The following COBLL1 variants were observed in gnomAD, a reference collection of about 807,000 sequenced individuals.
The protein encoded by COBLL1 is cordon-bleu WH2 repeat protein like 1.
A neutral mutation model predicts 94.8 loss-of-function variants in COBLL1; 50 were observed. The observed-to-expected ratio is 0.53, with a 90% confidence interval of 0.42 to 0.67. COBLL1 has a LOEUF of 0.67. Ranked by LOEUF, COBLL1 falls within the 30% of genes least tolerant of loss-of-function variation. COBLL1 has a pLI of 0.00. For synonymous variants in COBLL1, 448 were observed against 473.8 expected, an observed-to-expected ratio of 0.95 and a Z score of 0.71; for missense variants, 1,362 against 1,348.7, an observed-to-expected ratio of 1.01 and a Z score of -0.15.
intron 2 of COBLL1, among the ~76,000 whole-genome samples, chr2:164,828,343 A>T (rs374915913): frequency 1.4e-3 from 215 of 152,332 alleles, no homozygotes; most frequent in African/African-American, 5.1e-3. Flanking sequence ...GTTTCACAAC[A>T]AATTGTAAAC....
intron 7 of COBLL1, among the ~76,000 whole-genome samples, chr2:164,718,612 T>C (rs893040658): frequency 1.3e-5 from 2 of 152,194 alleles, no homozygotes; most frequent in African/African-American, 2.4e-5. Context: ...AGGAGAATTT[T>C]TACTGTATTC....
upstream of COBLL1, chr2:164,841,861 G>T (rs1284508984): frequency 4.9e-5 from 43 of 878,850 alleles, no homozygotes; most frequent in East Asian, 2.8e-5. This position sits in a 1 kb window ranked among gnomAD's most constrained non-coding sequence, Gnocchi z 5.5. Flanking sequence ...AGCCCAGCGC[G>T]GGCAGGGCCG....
At chr2:164,770,991 C>T (rs1183710805) in intron 2 of COBLL1, among the ~76,000 whole-genome samples, 4 of 151,984 alleles carry the variant, frequency 2.6e-5, no homozygotes, top group South Asian at 2.1e-4. Context: ...GTACTGATCT[C>T]GCATAAAGAT....
At chr2:164,708,889 T>G (rs776404152) in intron 7 of COBLL1, among the ~76,000 whole-genome samples, 3 of 152,250 alleles carry the variant, frequency 2.0e-5, no homozygotes, top group Non-Finnish European at 4.4e-5. Context: ...TTAGGTCACA[T>G]TCCTAATCTT....
At position 164,695,292 on chromosome 2, in the gene COBLL1, G is replaced by A. The variant is rs1333939272; in HGVS notation, c.2100C>T (p.Tyr700=). Residue 700 remains tyrosine, a synonymous_variant, in exon 12 of 14, where the codon TAC becomes TAT. Coordinates refer to ENST00000652658, the MANE Select transcript of COBLL1 (RefSeq NM_001365672.2). Reference sequence around the variant, plus strand: ...GTCTATAAAGTGGGTAATTCTTTAGGTAAGAAGCAGTGGAATTTTTGTCAA... The same window carrying A: ...GTCTATAAAGTGGGTAATTCTTTAGATAAGAAGCAGTGGAATTTTTGTCAA... ...DRIDKNSTAS[Y]LKNYPLYRQD... is the part of the protein sequence containing the mutation. 6.2e-7 allele frequency: 1 copy of A among 1,613,630 alleles called. No homozygotes were observed. The highest frequency in any genetic ancestry group is 2.2e-5 in the East Asian group (1 of 44,862).
chr2:164,731,613 T>A (rs1686015991), intron 3 of COBLL1, among the ~76,000 whole-genome samples: 1 of 152,170 alleles, frequency 6.6e-6, no homozygotes, highest in African/African-American at 2.4e-5. Flanking sequence ...AGTGTGTACA[T>A]CGTATTTTTA....
chr2:164,693,373 G>C (rs1683720855), intron 12 of COBLL1, among the ~76,000 whole-genome samples: 1 of 152,068 alleles, frequency 6.6e-6, no homozygotes, highest in African/African-American at 2.4e-5. Flanking sequence ...TGGCAATATG[G>C]TTAACATTCT....
intron 1 of COBLL1, among the ~76,000 whole-genome samples, chr2:164,670,082 C>CAGA (rs750279326): frequency 1.7e-3 from 253 of 152,274 alleles, no homozygotes; most frequent in South Asian, 3.7e-3. Flanking sequence ...TGATTGAAAG[C>CAGA]TTATTCTGTA....
chr2:164,692,122 C>T (rs936002235), intron 13 of COBLL1, 99 bp downstream of exon 13: 8 of 1,031,136 alleles, frequency 7.8e-6, no homozygotes, highest in African/African-American at 3.3e-5. Flanking sequence ...CTTTGGGAAC[C>T]CTATTTAGAT....
downstream of COBLL1, among the ~76,000 whole-genome samples, chr2:164,678,807 A>C (rs557069299): frequency 1.9e-4 from 29 of 152,316 alleles, 1 homozygote; most frequent in South Asian, 6.0e-3. Context: ...TGTTTTATGA[A>C]CCATCACTAG....
At chr2:164,820,015 G>A (rs1296100146) in intron 2 of COBLL1, among the ~76,000 whole-genome samples, 3 of 143,048 alleles carry the variant, frequency 2.1e-5, no homozygotes, top group African/African-American at 5.2e-5. Context: ...TTAATTTTTA[G>A]TAGAGATGGG....
intron 2 of COBLL1, among the ~76,000 whole-genome samples, chr2:164,753,735 G>A (rs1192776411): frequency 9.1e-5 from 13 of 142,342 alleles, no homozygotes; most frequent in Non-Finnish European, 1.8e-4. Flanking sequence ...AGTTGAGTAT[G>A]GGAATTTTTT....
intron 2 of COBLL1, among the ~76,000 whole-genome samples, chr2:164,774,973 T>C (rs949962750): frequency 4.6e-5 from 7 of 152,050 alleles, no homozygotes; most frequent in Admixed American, 4.6e-4. Flanking sequence ...ATGTTGTATA[T>C]CTTAAATATA....
At chr2:164,770,522 C>A (rs909505966) in intron 2 of COBLL1, among the ~76,000 whole-genome samples, 5 of 152,042 alleles carry the variant, frequency 3.3e-5, no homozygotes, top group Admixed American at 1.3e-4. Flanking sequence ...GAAAAGTAAA[C>A]AATGTTTTCA....
intron 2 of COBLL1, among the ~76,000 whole-genome samples, chr2:164,784,639 T>G (rs1688864829): frequency 1.3e-5 from 2 of 152,070 alleles, no homozygotes. Flanking sequence ...GTTTGCATAA[T>G]CTGCTTCCCT....
intron 2 of COBLL1, among the ~76,000 whole-genome samples, chr2:164,823,643 A>G (rs1368358718): frequency 6.6e-6 from 1 of 152,160 alleles, no homozygotes; most frequent in East Asian, 1.9e-4. Context: ...TTACCAACTC[A>G]TTCTCATAGA....
At chr2:164,721,706 A>G (rs1685452959) in intron 7 of COBLL1, 2 of 154,878 alleles carry the variant, frequency 1.3e-5, no homozygotes, top group Admixed American at 1.3e-4. Flanking sequence ...CTGTATAAAA[A>G]AGAACTATTC....
chr2:164,812,034 C>T (rs1391453606), intron 2 of COBLL1, among the ~76,000 whole-genome samples: 1 of 151,774 alleles, frequency 6.6e-6, no homozygotes, highest in South Asian at 2.1e-4. Context: ...TTTGTAGTAA[C>T]CATGACAACC....
In COBLL1 at chr2:164,800,511, T is replaced by C. The variant is rs181400827; in HGVS notation, c.41+40645A>G. The C allele has an allele frequency of 2.0e-5, 14 of 701,080 alleles. No individual in the cohort carries two copies. The East Asian group carries it at 2.7e-4, about 13-fold the overall frequency. 43.4% of individuals were successfully genotyped at this position (701,080 alleles called of 1,614,324 possible). A position where few individuals can be genotyped will look rare whatever the true frequency, so the allele number is the denominator to read the frequency against. ...ACTACTCTAGACAATGGTCTAGAAGTTTCTTATTAAATATACACTTACCAT... is the reference window on the plus strand; with the variant it reads ...ACTACTCTAGACAATGGTCTAGAAGCTTCTTATTAAATATACACTTACCAT... On this transcript the variant is annotated intron_variant, in intron 2 of 13. Coordinates refer to ENST00000652658, the MANE Select transcript of COBLL1 (RefSeq NM_001365672.2).
Sources: gnomAD v4.1 joint callset for allele counts (sites outside exome capture counted in the v4.1 genomes callset) on GRCh38, gnomAD v4.1.1 for gene constraint, Gnocchi (gnomAD v3.1) non-coding constraint, MANE v1.5 for transcripts, NCBI Gene and HGNC (gene_info 2026-07-23, HGNC 2026-07-21) for gene names.